Variants in CACNB2 observed in about 807,000 individuals in gnomAD.
The protein encoded by CACNB2 is voltage-dependent L-type calcium channel subunit beta-2.
Under a neutral mutation model 73.3 loss-of-function variants are expected in CACNB2, and 42 were observed. The observed-to-expected ratio is 0.57, with a 90% CI of 0.45 to 0.74. The LOEUF (loss-of-function observed/expected upper bound fraction) is 0.74. Ranked by LOEUF, CACNB2 falls within the 30% of genes least tolerant of loss-of-function variation. The probability of loss-of-function intolerance (pLI) is 0.00; values close to 1 mark genes in which losing one functional copy is unlikely to be tolerated. For missense variants in CACNB2, 940 were observed against 853.0 expected (o/e 1.10, Z -1.27); for synonymous variants, 348 against 310.3 (o/e 1.12, Z -1.28).
At chr10:18,484,175 C>G (rs764766751) in intron 3 of CACNB2, among the ~76,000 whole-genome samples, 2 of 152,196 alleles carry the variant, frequency 1.3e-5, no homozygotes, top group Non-Finnish European at 2.9e-5. Flanking sequence ...GGGCAGATCA[C>G]TTGAGGTCAG....
chr10:18,326,964 A>G (rs2040611809), intron 2 of CACNB2, among the ~76,000 whole-genome samples: 1 of 152,122 alleles, frequency 6.6e-6, no homozygotes, highest in African/African-American at 2.4e-5. Flanking sequence ...CCTGGACTCA[A>G]GTGATCCGCC....
chr10:18,358,177 C>T (rs747907403), intron 2 of CACNB2, among the ~76,000 whole-genome samples: 3 of 152,306 alleles, frequency 2.0e-5, no homozygotes, highest in Middle Eastern at 3.4e-3. Flanking sequence ...ATGTCTGTTT[C>T]CCAGGTTCAA....
intron 2 of CACNB2, among the ~76,000 whole-genome samples, chr10:18,374,058 C>T (rs1403839091): frequency 1.3e-5 from 2 of 152,130 alleles, no homozygotes; most frequent in East Asian, 3.8e-4. Flanking sequence ...TAATTAACAG[C>T]ATATCAGGGA....
chr10:18,330,987 C>T (rs1365810091), intron 2 of CACNB2, among the ~76,000 whole-genome samples: 1 of 139,562 alleles, frequency 7.2e-6, no homozygotes, highest in Non-Finnish European at 1.5e-5. Flanking sequence ...CTGCACCATG[C>T]CCGGCCTTTT....
At chr10:18,172,540 A>G (rs1425475882) in intron 2 of CACNB2, among the ~76,000 whole-genome samples, 2 of 152,090 alleles carry the variant, frequency 1.3e-5, no homozygotes, top group Non-Finnish European at 2.9e-5. Context: ...GTAGGGAAGA[A>G]AGAGATGTTC....
At chr10:18,284,340 C>T (rs1183905829) in intron 2 of CACNB2, among the ~76,000 whole-genome samples, 2 of 152,164 alleles carry the variant, frequency 1.3e-5, no homozygotes, top group African/African-American at 2.4e-5. Flanking sequence ...GTCCCTCCCA[C>T]CAATACGTGG....
chr10:18,454,428 A>G lies in CACNB2; in HGVS notation c.334-43927A>G, dbSNP rs1207773125. ...CCCTCCCTCCATAAAATTTCATACC[A>G]CAGACATGTCTATACCACCGTGTAT... On this transcript the variant is annotated intron_variant, in intron 3 of 13. Transcript: ENST00000324631. 3.3e-5 allele frequency among the ~76,000 whole-genome samples: 5 copies of G among 152,182 alleles called. No individual in the cohort carries two copies. The East Asian group carries it at 9.7e-4, about 29-fold the overall frequency.
intron 3 of CACNB2, among the ~76,000 whole-genome samples, chr10:18,458,277 A>C (rs1394922269): frequency 6.6e-6 from 1 of 152,242 alleles, no homozygotes; most frequent in Non-Finnish European, 1.5e-5. Context: ...AAGTTCAAAA[A>C]CAAATTTGGC....
At chr10:18,424,291 T>C (rs2045481408) in intron 3 of CACNB2, among the ~76,000 whole-genome samples, 3 of 152,216 alleles carry the variant, frequency 2.0e-5, no homozygotes, top group Admixed American at 6.5e-5. Flanking sequence ...AAGGCTACCC[T>C]GTAGGCAGAG....
intron 2 of CACNB2, among the ~76,000 whole-genome samples, chr10:18,311,864 G>A (rs2039977677): frequency 6.6e-6 from 1 of 152,160 alleles, no homozygotes; most frequent in African/African-American, 2.4e-5. Flanking sequence ...GCCTGGTAGG[G>A]ACCCCTACAG....
At chr10:18,507,159 A>C (rs1589586171) in intron 6 of CACNB2, among the ~76,000 whole-genome samples, 1 of 152,202 alleles carries the variant, frequency 6.6e-6, no homozygotes, top group East Asian at 1.9e-4. Flanking sequence ...AAATGGGTGA[A>C]TACTTGCCAA....
At chr10:18,311,757 A>G (rs1356478244) in intron 2 of CACNB2, among the ~76,000 whole-genome samples, 2 of 152,202 alleles carry the variant, frequency 1.3e-5, no homozygotes, top group Non-Finnish European at 2.9e-5. Context: ...GGAAATCTTC[A>G]TACATAAGTG....
At chr10:18,467,975 T>C (rs1040292952) in intron 3 of CACNB2, among the ~76,000 whole-genome samples, 4 of 152,220 alleles carry the variant, frequency 2.6e-5, no homozygotes, top group Non-Finnish European at 4.4e-5. Context: ...AAAAGTGTTT[T>C]TTTGTGAATT....
chr10:18,262,700 T>C (rs930881768), intron 2 of CACNB2, among the ~76,000 whole-genome samples: 15 of 152,314 alleles, frequency 9.8e-5, no homozygotes, highest in African/African-American at 3.1e-4. Flanking sequence ...TCTAGAATAG[T>C]GAAGAGTGAG....
chr10:18,148,182 T>G, intron 1 of CACNB2, among the ~76,000 whole-genome samples: 1 of 152,148 alleles, frequency 6.6e-6, no homozygotes, highest in East Asian at 1.9e-4. Flanking sequence ...TATATTTATT[T>G]TGTCTTTTAA....
At chr10:18,448,149 A>T (rs1424726179) in intron 3 of CACNB2, among the ~76,000 whole-genome samples, 1 of 152,088 alleles carries the variant, frequency 6.6e-6, no homozygotes, top group Non-Finnish European at 1.5e-5. Flanking sequence ...GAGCCACTGT[A>T]CCTGGACCTA....
At chr10:18,296,494 A>AT (rs574986465) in intron 2 of CACNB2, among the ~76,000 whole-genome samples, 6 of 151,926 alleles carry the variant, frequency 3.9e-5, no homozygotes, top group Non-Finnish European at 8.8e-5. Flanking sequence ...ATATAGATAT[A>AT]TTTTTTTTAA....
chr10:18,165,526 C>G (rs2032791137), intron 2 of CACNB2, among the ~76,000 whole-genome samples: 1 of 152,232 alleles, frequency 6.6e-6, no homozygotes, highest in Non-Finnish European at 1.5e-5. Context: ...GACTGTTGAG[C>G]CTCAGCCTCC....
chr10:18,242,219 AT>A (rs2036684274), intron 2 of CACNB2, among the ~76,000 whole-genome samples: 1 of 152,026 alleles, frequency 6.6e-6, no homozygotes, highest in African/African-American at 2.4e-5. Flanking sequence ...TGTAATATAT[AT>A]AAAAATATAA....
Sources: allele counts gnomAD v4.1 joint callset (sites outside exome capture counted in the v4.1 genomes callset), GRCh38; gene constraint gnomAD v4.1.1; transcripts MANE v1.5; gene names NCBI Gene and HGNC (gene_info 2026-07-23, HGNC 2026-07-21).